The following SMAD3 variants were observed in gnomAD, a reference collection of about 807,000 sequenced individuals.
SMAD3 encodes MAD homolog 3.
In SMAD3, 12 loss-of-function variants were observed where a neutral mutation model predicts 51.8. The ratio of observed to expected loss-of-function variants is 0.23; its 90% confidence interval spans 0.15 to 0.38. The LOEUF is 0.38. Among genes scored for constraint, SMAD3 ranks in the 10% least tolerant of loss-of-function variants. The probability of loss-of-function intolerance (pLI) is 1.00; values close to 1 mark genes in which losing one functional copy is unlikely to be tolerated. For missense variants in SMAD3, 294 were observed against 565.6 expected (o/e 0.52, Z 4.87); for synonymous variants, 238 against 227.7 (o/e 1.05, Z -0.41).
At chr15:67,110,297 G>A (rs1018545811) in intron 1 of SMAD3, among the ~76,000 whole-genome samples, 2 of 152,138 alleles carry the variant, frequency 1.3e-5, no homozygotes, top group African/African-American at 4.8e-5. Flanking sequence ...TGGAACATTC[G>A]AGGGAGAATC....
intron 1 of SMAD3, among the ~76,000 whole-genome samples, chr15:67,135,827 G>A (rs1322467271): frequency 1.3e-5 from 2 of 152,128 alleles, no homozygotes; most frequent in Admixed American, 6.5e-5. Context: ...CGGGCAAGTG[G>A]TATTCTACCA....
At chr15:67,154,559 T>A (rs1048347302) in intron 1 of SMAD3, among the ~76,000 whole-genome samples, 9 of 152,188 alleles carry the variant, frequency 5.9e-5, no homozygotes, top group African/African-American at 2.2e-4. Flanking sequence ...CCTCACTAGA[T>A]GTCTTTGTGG....
chr15:67,146,627 T>C (rs1273436487), intron 1 of SMAD3, among the ~76,000 whole-genome samples: 2 of 152,116 alleles, frequency 1.3e-5, no homozygotes, highest in African/African-American at 4.8e-5. Flanking sequence ...AGAGACATTG[T>C]CTCTGTGTTT....
chr15:67,088,735 C>T (rs927606294), intron 1 of SMAD3, among the ~76,000 whole-genome samples: 16 of 151,964 alleles, frequency 1.1e-4, no homozygotes, highest in South Asian at 4.2e-4. Context: ...GAGACCAGCC[C>T]GACCAATATG....
chr15:67,108,158 C>A (rs763710997), intron 1 of SMAD3, among the ~76,000 whole-genome samples: 1 of 152,146 alleles, frequency 6.6e-6, no homozygotes, highest in South Asian at 2.1e-4. Context: ...CCCTCGGGGG[C>A]TCCGGTAAGA....
At position 67,073,969 on chromosome 15, in the gene SMAD3, G is replaced by A. The variant is rs1239059450; in HGVS notation, c.206+7609G>A. ...ATTCCAGGCCTGAGCCACCGCGCCC[G>A]GCCACATACAAACATTTTAAAAGCT... On this transcript the variant is annotated intron_variant, in intron 1 of 8. Coordinates refer to ENST00000327367, the MANE Select transcript of SMAD3 (RefSeq NM_005902.4). Among the ~76,000 whole-genome samples the A allele has an allele frequency of 2.6e-5, 4 of 152,156 alleles. No homozygotes were observed. The South Asian group carries it at 6.2e-4, about 24-fold the overall frequency.
rs1963398834 is a variant in SMAD3 at position 67,192,756 on chromosome 15, T to A, written c.*2220T>A. The A allele has an allele frequency of 4.3e-6, 1 of 232,824 alleles. No individual in the cohort carries two copies. Among genetic ancestry groups the A allele is most frequent in the Non-Finnish European group, 8.5e-6 (1 of 117,894 alleles). The allele number at this position is 232,824 out of a possible 1,614,324, so 14.4% of individuals were successfully genotyped here. A position where few individuals can be genotyped will look rare whatever the true frequency, so the allele number is the denominator to read the frequency against. ...TATGGAAGTCGTGTCTTACTCCAGG[T>A]GAAGGGGGAAAAAAAAAGCCTATAC... is the stretch of plus-strand genomic sequence containing the variant. On this transcript the variant is annotated 3_prime_UTR_variant, in exon 9 of 9. Coordinates refer to ENST00000327367, the MANE Select transcript of SMAD3 (RefSeq NM_005902.4).
rs777408805 is a variant in SMAD3 at position 67,192,142 on chromosome 15, T to C, written c.*1606T>C. The C allele has an allele frequency of 4.3e-6, 1 of 232,406 alleles. No homozygotes were observed. The highest frequency in any genetic ancestry group is 8.5e-6 in the Non-Finnish European group (1 of 117,192). The allele number at this position is 232,406 out of a possible 1,614,324, so 14.4% of individuals were successfully genotyped here. On this transcript the variant is annotated 3_prime_UTR_variant, in exon 9 of 9. Transcript: ENST00000327367. ...TTTATTCCAGGTGAAGGGAAGGAAG[T>C]GTATATACTTTTGGCAAGTCATACA...
chr15:67,163,523 G>T (rs1025315546), intron 1 of SMAD3, among the ~76,000 whole-genome samples: 2 of 152,100 alleles, frequency 1.3e-5, no homozygotes, highest in Non-Finnish European at 2.9e-5. Context: ...TGCTTTTGCC[G>T]CCCCAAGCTC....
intron 1 of SMAD3, among the ~76,000 whole-genome samples, chr15:67,164,050 G>C (rs185929342): frequency 6.6e-6 from 1 of 151,120 alleles, no homozygotes; most frequent in African/African-American, 2.4e-5. Flanking sequence ...GGTGGTTCAC[G>C]CCTGAAATCC....
chr15:67,193,925 A>G lies in SMAD3; in HGVS notation c.*3389A>G, dbSNP rs766453915. The G allele has an allele frequency of 4.3e-6, 1 of 233,058 alleles. No individual in the cohort carries two copies. The highest frequency in any genetic ancestry group is 8.5e-6 in the Non-Finnish European group (1 of 117,842). 14.4% of individuals were successfully genotyped at this position (233,058 alleles called of 1,614,324 possible). A position where few individuals can be genotyped will look rare whatever the true frequency, so the allele number is the denominator to read the frequency against. On this transcript the variant is annotated 3_prime_UTR_variant, in exon 9 of 9. Coordinates refer to ENST00000327367, the MANE Select transcript of SMAD3 (RefSeq NM_005902.4). ...ATGTAAGTAATCTGGGGAAGAAGCA[A>G]AGATCTGTTTCATTCTTAGCCTCAG...
chr15:67,150,847 C>CT (rs58914503), intron 1 of SMAD3, among the ~76,000 whole-genome samples: 4,481 of 14,558 alleles, frequency 0.31, 1,658 homozygotes, highest in African/African-American at 0.35. Flanking sequence ...ATTTCTCAGT[C>CT]TTTTTTTTTT....
chr15:67,102,741 A>G (rs1461002262), intron 1 of SMAD3, among the ~76,000 whole-genome samples: 2 of 152,038 alleles, frequency 1.3e-5, no homozygotes, highest in Non-Finnish European at 2.9e-5. Flanking sequence ...TGGATATACC[A>G]TGTTTCTGTA....
At position 67,066,249 on chromosome 15, in the gene SMAD3, A is replaced by C. The variant is rs1366150688; in HGVS notation, c.95A>C (p.Glu32Ala). ...AACGGGCAGGAGGAGAAATGGTGCG[A>C]GAAGGCGGTCAAGAGCCTGGTCAAG... ...EQNGQEEKWC[E>A]KAVKSLVKKL... Residue 32 changes from glutamate to alanine, a missense_variant, in exon 1 of 9, where the codon GAG (glutamate) becomes GCG (alanine). Physicochemically the swap from Glu to Ala is moderately radical, Grantham distance 107 (BLOSUM62 -1). This residue lies in a region of SMAD3 where 147 missense variants were observed against 260.9 expected (regional missense o/e 0.56). Coordinates refer to ENST00000327367, the MANE Select transcript of SMAD3 (RefSeq NM_005902.4). 6.2e-7 allele frequency: 1 copy of C among 1,613,642 alleles called. No homozygotes were observed. Among genetic ancestry groups the C allele is most frequent in the Non-Finnish European group, 8.5e-7 (1 of 1,179,882 alleles).
chr15:67,186,810 G>A (rs531185536), intron 7 of SMAD3: 2 of 333,254 alleles, frequency 6.0e-6, no homozygotes, highest in East Asian at 8.2e-5. Context: ...TTCATCAGAG[G>A]AGCCCAGGTG....
chr15:67,119,955 C>T (rs750816787), intron 1 of SMAD3, among the ~76,000 whole-genome samples: 3 of 152,168 alleles, frequency 2.0e-5, no homozygotes, highest in South Asian at 4.1e-4. Context: ...CGCTACCACG[C>T]CTGGCTATTT....
At chr15:67,186,462 G>C (rs1471734880) in intron 7 of SMAD3, among the ~76,000 whole-genome samples, 5 of 152,258 alleles carry the variant, frequency 3.3e-5, no homozygotes, top group Non-Finnish European at 5.9e-5. Flanking sequence ...AGAGACACAG[G>C]GTCCCCAAGA....
intron 1 of SMAD3, among the ~76,000 whole-genome samples, chr15:67,104,089 G>A (rs1237179264): frequency 6.6e-6 from 1 of 152,250 alleles, no homozygotes; most frequent in Admixed American, 6.5e-5. Flanking sequence ...TTGTGGCAGC[G>A]CTCAAAGGCA....
At chr15:67,170,086 GGAGGCCTCAAGC>G (rs1234517570) in intron 4 of SMAD3, among the ~76,000 whole-genome samples, 1 of 152,128 alleles carries the variant, frequency 6.6e-6, no homozygotes, top group African/African-American at 2.4e-5. Context: ...GTGATGCTGG[GGAGGCCTCAAGC>G]CCTGCCTGTG....
Sources: allele counts gnomAD v4.1 joint callset (sites outside exome capture counted in the v4.1 genomes callset), GRCh38; gene constraint gnomAD v4.1.1; regional missense constraint gnomAD v4.1.1; transcripts MANE v1.5; gene names NCBI Gene and HGNC (gene_info 2026-07-23, HGNC 2026-07-21).